Variants in CTNNA3 observed in about 807,000 individuals in gnomAD.
CTNNA3 encodes catenin alpha 3, also known as catenin alpha-3.
In CTNNA3, 76 loss-of-function variants were observed where a neutral mutation model predicts 95.7. The ratio of observed to expected loss-of-function variants is 0.79; its 90% CI spans 0.66 to 0.96. The LOEUF is 0.96. Among genes scored for constraint, CTNNA3 ranks in the 40% least tolerant of loss-of-function variants. CTNNA3 has a pLI of 0.00. For missense variants in CTNNA3, 1,191 were observed against 1,089.8 expected (o/e 1.09, Z -1.31); for synonymous variants, 431 against 374.4 (o/e 1.15, Z -1.74).
At chr10:66,749,921 G>A (rs1374215619) in intron 9 of CTNNA3, among the ~76,000 whole-genome samples, 3 of 152,146 alleles carry the variant, frequency 2.0e-5, no homozygotes, top group Non-Finnish European at 4.4e-5. Context: ...TATTAGATGT[G>A]TAATAGTATC....
chr10:66,375,305 T>C (rs994043023), intron 12 of CTNNA3, among the ~76,000 whole-genome samples: 10 of 151,158 alleles, frequency 6.6e-5, no homozygotes, highest in African/African-American at 2.4e-4. Context: ...GTAAACTGAG[T>C]GAAGAAGACT....
intron 7 of CTNNA3, among the ~76,000 whole-genome samples, chr10:67,035,234 T>C (rs996062603): frequency 1.3e-5 from 2 of 152,232 alleles, no homozygotes; most frequent in African/African-American, 4.8e-5. Flanking sequence ...TCTATATATA[T>C]AGTCAAATTA....
chr10:67,084,350 C>G (rs1245015899), intron 7 of CTNNA3, among the ~76,000 whole-genome samples: 1 of 152,054 alleles, frequency 6.6e-6, no homozygotes, highest in Non-Finnish European at 1.5e-5. Context: ...GCAACAGTCA[C>G]TAACCATGAC....
At chr10:67,736,524 C>T (rs569870407) in intron 1 of CTNNA3, among the ~76,000 whole-genome samples, 4 of 145,610 alleles carry the variant, frequency 2.7e-5, no homozygotes, top group African/African-American at 7.6e-5. Flanking sequence ...GGCACGTTCT[C>T]GGCTGACTGC....
chr10:67,307,900 G>A (rs1840622741), intron 5 of CTNNA3, among the ~76,000 whole-genome samples: 1 of 152,156 alleles, frequency 6.6e-6, no homozygotes, highest in South Asian at 2.1e-4. Context: ...AAATTAACCA[G>A]TGGAATTAGG....
At chr10:67,607,436 C>T (rs973535012) in intron 2 of CTNNA3, among the ~76,000 whole-genome samples, 6 of 152,146 alleles carry the variant, frequency 3.9e-5, no homozygotes, top group Admixed American at 2.6e-4. Flanking sequence ...TCATAAAGGT[C>T]TTCATCCTCA....
At chr10:66,484,930 A>T (rs564840555) in intron 11 of CTNNA3, among the ~76,000 whole-genome samples, 1 of 152,254 alleles carries the variant, frequency 6.6e-6, no homozygotes, top group East Asian at 1.9e-4. Flanking sequence ...GGATGATTCA[A>T]CCTATGTCAA....
intron 11 of CTNNA3, among the ~76,000 whole-genome samples, chr10:66,418,564 C>CACACACAA (rs2093165301): frequency 6.6e-6 from 1 of 150,388 alleles, no homozygotes; most frequent in African/African-American, 2.4e-5. Context: ...GGGACACACA[C>CACACACAA]ACACACACAC....
chr10:67,261,590 T>C (rs530668400), intron 5 of CTNNA3, among the ~76,000 whole-genome samples: 3 of 152,272 alleles, frequency 2.0e-5, no homozygotes, highest in African/African-American at 7.2e-5. Flanking sequence ...TAGAACTACA[T>C]TGCGTAACAT....
intron 6 of CTNNA3, among the ~76,000 whole-genome samples, chr10:67,202,236 G>A (rs1433126878): frequency 1.3e-5 from 2 of 151,040 alleles, no homozygotes; most frequent in African/African-American, 4.8e-5. Context: ...AAATACAAAA[G>A]TATGAAAATA....
At chr10:67,091,311 T>C (rs938181052) in intron 7 of CTNNA3, among the ~76,000 whole-genome samples, 2 of 151,900 alleles carry the variant, frequency 1.3e-5, no homozygotes, top group African/African-American at 4.8e-5. Flanking sequence ...TTAAGTAAAT[T>C]GAGAATTTAA....
chr10:66,978,571 A>ATATATATATATATATATATAT (rs1850220512), intron 7 of CTNNA3, among the ~76,000 whole-genome samples: 1 of 136,006 alleles, frequency 7.4e-6, no homozygotes, highest in East Asian at 2.3e-4. Flanking sequence ...ATATATATAT[A>ATATATATATATATATATATAT]GTATGGTGTA....
chr10:66,927,590 T>G lies in CTNNA3; in HGVS notation c.1048-152066A>C. On this transcript the variant is annotated intron_variant, in intron 7 of 17. Transcript: ENST00000433211. The surrounding 1 kb of genome is among the most constrained non-coding windows in gnomAD (Gnocchi z 4.7). ...TTTTCCAAGCTCAACCTGGCCCTTT[T>G]TCCAAGGTTGGTCAGCCTTCAGAAC... The G allele has an allele frequency of 6.2e-7, 1 of 1,614,174 alleles. No homozygotes were observed. The highest frequency in any genetic ancestry group is 8.5e-7 in the Non-Finnish European group (1 of 1,180,030).
At chr10:66,091,850 A>T (rs763103749) in intron 14 of CTNNA3, among the ~76,000 whole-genome samples, 1 of 151,938 alleles carries the variant, frequency 6.6e-6, no homozygotes, top group South Asian at 2.1e-4. Context: ...AAAAATGGTC[A>T]CCAAGTAATA....
rs1564841101 is a variant in CTNNA3, at chr10:67,726,415, A to AAATTATAT, written c.-2+37018_-2+37019insATATAATT. ...ATATATTATATATTATATCATATAT[A>AAATTATAT]ATATTATATATTATATCATATATAA... On this transcript the variant is annotated intron_variant, in intron 1 of 17. Transcript: ENST00000684154. 2.3e-3 allele frequency among the ~76,000 whole-genome samples: 137 copies of AAATTATAT among 58,862 alleles called. 2 individuals carry two copies. Among genetic ancestry groups the AAATTATAT allele is most frequent in the African/African-American group, 0.014 (119 of 8,590 alleles). The allele number at this position is 58,862 out of a possible 152,430, so 38.6% of individuals were successfully genotyped here.
intron 7 of CTNNA3, among the ~76,000 whole-genome samples, chr10:66,979,455 AAG>A (rs1393553177): frequency 1.3e-5 from 2 of 152,306 alleles, no homozygotes; most frequent in Non-Finnish European, 2.9e-5. Flanking sequence ...TTAGTAATGT[AAG>A]AGTTTCTGGC....
At chr10:66,592,413 T>G (rs4746600) in intron 10 of CTNNA3, among the ~76,000 whole-genome samples, 43,187 of 151,946 alleles carry the variant, frequency 0.28, 6,551 homozygotes, top group Middle Eastern at 0.43. Context: ...ACCAAAACCC[T>G]TTGTGTCAAC....
At chr10:66,791,726 C>T (rs1840976723) in intron 7 of CTNNA3, among the ~76,000 whole-genome samples, 1 of 152,098 alleles carries the variant, frequency 6.6e-6, no homozygotes, top group Non-Finnish European at 1.5e-5. Context: ...TAATTAAGTA[C>T]TGAATCAGTT....
chr10:65,933,268 C>T (rs2077283290), intron 17 of CTNNA3, among the ~76,000 whole-genome samples: 2 of 152,172 alleles, frequency 1.3e-5, no homozygotes, highest in South Asian at 4.1e-4. Flanking sequence ...CTCACAAGAG[C>T]CATAATTTGA....
Sources: gnomAD v4.1 joint callset for allele counts (sites outside exome capture counted in the v4.1 genomes callset) on GRCh38, gnomAD v4.1.1 for gene constraint, Gnocchi (gnomAD v3.1) non-coding constraint, MANE v1.5 for transcripts, NCBI Gene and HGNC (gene_info 2026-07-23, HGNC 2026-07-21) for gene names.